SETBP1: variants seen among roughly 807,000 people sequenced by gnomAD.
SETBP1 encodes SET-binding protein.
A neutral mutation model predicts 101.0 loss-of-function variants in SETBP1; 9 were observed. That is an observed-to-expected ratio of 0.09 (90% CI 0.05 to 0.16). The LOEUF (loss-of-function observed/expected upper bound fraction) is 0.16. SETBP1 is among the 10% of genes least tolerant of loss of function. The pLI, the probability that SETBP1 is intolerant of heterozygous loss-of-function variation, is 1.00. For synonymous variants in SETBP1, 818 were observed against 788.5 expected, an observed-to-expected ratio of 1.04 and a Z score of -0.63; for missense variants, 1,858 against 2,033.8, an observed-to-expected ratio of 0.91 and a Z score of 1.66.
In SETBP1 at chr18:44,768,897, A is replaced by T. The variant is rs371117067; in HGVS notation, c.486+67065A>T. Among the ~76,000 whole-genome samples, 163 of 152,354 alleles carry T rather than the reference A, an allele frequency of 1.1e-3. 1 individual carries two copies. Among genetic ancestry groups the T allele is most frequent in the African/African-American group, 3.8e-3 (159 of 41,590 alleles). On this transcript the variant is annotated intron_variant, in intron 2 of 5. Coordinates refer to ENST00000649279, the MANE Select transcript of SETBP1 (RefSeq NM_015559.3). ...TACCCACAGTGGGTGATAGAGTGGA[A>T]TATGGGCAGATAGACTCTTTTGTCT...
At chr18:44,838,174 C>A (rs1340311687) in intron 2 of SETBP1, among the ~76,000 whole-genome samples, 3 of 152,304 alleles carry the variant, frequency 2.0e-5, no homozygotes, top group African/African-American at 7.2e-5. Context: ...ATTTTGTGAG[C>A]CACATTTAAC....
At chr18:44,798,429 T>C (rs753872585) in intron 2 of SETBP1, among the ~76,000 whole-genome samples, 1 of 152,210 alleles carries the variant, frequency 6.6e-6, no homozygotes, top group Non-Finnish European at 1.5e-5. Flanking sequence ...GACCATCTTT[T>C]CTTTCTGGAA....
At chr18:44,745,776 A>T (rs2070229247) in intron 2 of SETBP1, among the ~76,000 whole-genome samples, 1 of 152,168 alleles carries the variant, frequency 6.6e-6, no homozygotes. Flanking sequence ...TGAGCATCAA[A>T]GGAGGGAGCA....
chr18:44,788,278 C>T (rs1229973185), intron 2 of SETBP1, among the ~76,000 whole-genome samples: 1 of 152,104 alleles, frequency 6.6e-6, no homozygotes, highest in African/African-American at 2.4e-5. Flanking sequence ...CAGCAGGAGG[C>T]AGGGGTAGAG....
At chr18:45,027,053 T>C (rs1599465197) in intron 4 of SETBP1, among the ~76,000 whole-genome samples, 1 of 152,314 alleles carries the variant, frequency 6.6e-6, no homozygotes, top group Non-Finnish European at 1.5e-5. Context: ...ACCTCTCCAT[T>C]CTAAATGATG....
intron 4 of SETBP1, among the ~76,000 whole-genome samples, chr18:44,993,677 A>G (rs570652237): frequency 2.0e-5 from 3 of 152,186 alleles, no homozygotes; most frequent in South Asian, 2.1e-4. Context: ...GAAAGTATCA[A>G]TTTTCCTCAA....
At chr18:44,933,215 C>T (rs889519397) in intron 3 of SETBP1, among the ~76,000 whole-genome samples, 5 of 152,186 alleles carry the variant, frequency 3.3e-5, no homozygotes, top group African/African-American at 1.2e-4. Context: ...TGCTGAGGTC[C>T]CCTCCAGACC....
intron 3 of SETBP1, among the ~76,000 whole-genome samples, chr18:44,926,521 G>C (rs556812971): frequency 6.6e-6 from 1 of 152,084 alleles, no homozygotes. Context: ...CAGCTTCCTC[G>C]TGCCCCATCT....
chr18:44,839,031 C>G (rs575869206), intron 2 of SETBP1, among the ~76,000 whole-genome samples: 4 of 151,944 alleles, frequency 2.6e-5, no homozygotes, highest in African/African-American at 9.6e-5. Context: ...AGGATGAGAC[C>G]CTGATGTGAC....
At chr18:44,924,824 C>T (rs1458111078) in intron 3 of SETBP1, among the ~76,000 whole-genome samples, 1 of 152,120 alleles carries the variant, frequency 6.6e-6, no homozygotes, top group Non-Finnish European at 1.5e-5. Context: ...AAGCTAGATA[C>T]CCCATTAGCA....
Position 44,925,892 on chromosome 18 carries a change from T to C in SETBP1, c.541-23989T>C, listed in dbSNP as rs573864178. Among the ~76,000 whole-genome samples the C allele has an allele frequency of 8.4e-4, 128 of 152,342 alleles. 1 individual carries two copies. The highest frequency in any genetic ancestry group is 4.3e-3 in the South Asian group (21 of 4,832). The stretch of plus-strand genomic sequence containing the variant: ...GTGATACCCAGAGAGGTTAGGTTAC[T>C]TGCCCAAGGTCATGCCACTAATTAA... On this transcript the variant is annotated intron_variant, in intron 3 of 5. Coordinates refer to ENST00000649279, the MANE Select transcript of SETBP1 (RefSeq NM_015559.3).
chr18:45,016,849 C>G (rs941959194), intron 4 of SETBP1, among the ~76,000 whole-genome samples: 2 of 140,814 alleles, frequency 1.4e-5, no homozygotes, highest in African/African-American at 2.6e-5. Flanking sequence ...TCACAGTCAA[C>G]GGCAGGTTTT....
intron 2 of SETBP1, among the ~76,000 whole-genome samples, chr18:44,776,564 T>C (rs2071008976): frequency 6.6e-6 from 1 of 152,130 alleles, no homozygotes; most frequent in African/African-American, 2.4e-5. Flanking sequence ...AATTGGAAAG[T>C]GTGTGTTAAG....
At chr18:44,891,171 C>G (rs896841132) in intron 3 of SETBP1, among the ~76,000 whole-genome samples, 1 of 152,076 alleles carries the variant, frequency 6.6e-6, no homozygotes, top group Admixed American at 6.6e-5. Context: ...TCTTGTAAGA[C>G]TTATTACTAT....
chr18:44,780,142 C>T (rs1173893285), intron 2 of SETBP1, among the ~76,000 whole-genome samples: 3 of 152,166 alleles, frequency 2.0e-5, no homozygotes, highest in South Asian at 2.1e-4. Context: ...AACAGACAAG[C>T]CCTGCTCCTC....
intron 4 of SETBP1, 47 bp from the exon 5 acceptor site, chr18:45,038,438 C>A (rs759424888): frequency 6.4e-7 from 1 of 1,571,806 alleles, no homozygotes. Context: ...TGTCTATCTT[C>A]CTGTTCCCTT....
At chr18:44,972,852 G>A (rs912183948) in intron 4 of SETBP1, among the ~76,000 whole-genome samples, 3 of 152,206 alleles carry the variant, frequency 2.0e-5, no homozygotes, top group Admixed American at 6.5e-5. Flanking sequence ...TCTTTTCCTA[G>A]TTGAATACCC....
chr18:44,751,716 G>A (rs1257896252), intron 2 of SETBP1, among the ~76,000 whole-genome samples: 1 of 152,116 alleles, frequency 6.6e-6, no homozygotes, highest in East Asian at 1.9e-4. Flanking sequence ...CCTTAATAAA[G>A]GTAACTTCAA....
chr18:44,856,133 A>T (rs1246533058), intron 2 of SETBP1, among the ~76,000 whole-genome samples: 2 of 151,862 alleles, frequency 1.3e-5, no homozygotes, highest in Non-Finnish European at 2.9e-5. Flanking sequence ...TAAAAAAAAA[A>T]GCAATTAGTT....
Sources: allele counts gnomAD v4.1 joint callset (sites outside exome capture counted in the v4.1 genomes callset), GRCh38; gene constraint gnomAD v4.1.1; transcripts MANE v1.5; gene names NCBI Gene and HGNC (gene_info 2026-07-23, HGNC 2026-07-21).